Variants in TNRC6A observed in about 807,000 individuals in gnomAD.
The protein encoded by TNRC6A is trinucleotide repeat-containing gene 6A protein.
TNRC6A carries 44 observed loss-of-function variants against 221.2 expected under a neutral mutation model. The observed-to-expected ratio is 0.20, with a 90% confidence interval of 0.16 to 0.26. The LOEUF is 0.26. Among genes scored for constraint, TNRC6A ranks in the 10% least tolerant of loss-of-function variants. The pLI, the probability that TNRC6A is intolerant of heterozygous loss-of-function variation, is 1.00. For synonymous variants in TNRC6A, 847 were observed against 838.5 expected (o/e 1.01, Z -0.18); for missense variants, 2,199 against 2,404.4 (o/e 0.91, Z 1.79).
intron 2 of TNRC6A, among the ~76,000 whole-genome samples, chr16:24,675,584 G>C (rs1000179358): frequency 1.3e-5 from 2 of 150,766 alleles, no homozygotes; most frequent in African/African-American, 2.4e-5. Flanking sequence ...GGGAGGCTGA[G>C]ACAGGAGAAT....
At chr16:24,749,048 C>G (rs1234683879) in intron 2 of TNRC6A, among the ~76,000 whole-genome samples, 1 of 152,096 alleles carries the variant, frequency 6.6e-6, no homozygotes. Flanking sequence ...GCCTGATATT[C>G]TTAGTGTCCC....
intron 2 of TNRC6A, chr16:24,661,617 T>C (rs1461058288): frequency 1.3e-5 from 2 of 152,168 alleles, no homozygotes; most frequent in African/African-American, 2.4e-5. Context: ...TTTCAACATG[T>C]TGGCCAGGAT....
intron 8 of TNRC6A, 112 bp downstream of exon 8, chr16:24,794,831 C>A: frequency 2.0e-6 from 2 of 1,011,330 alleles, no homozygotes; most frequent in Non-Finnish European, 2.7e-6. Flanking sequence ...GTCCAGGCAG[C>A]CCCCACCTTA....
At chr16:24,776,436 A>T in intron 4 of TNRC6A, 1 of 985,450 alleles carries the variant, frequency 1.0e-6, no homozygotes, top group South Asian at 4.7e-5. Flanking sequence ...TTTGTAAGAA[A>T]ACCAGCAGGT....
intron 11 of TNRC6A, among the ~76,000 whole-genome samples, chr16:24,802,631 C>CT (rs1372774188): frequency 1.3e-5 from 2 of 152,132 alleles, no homozygotes; most frequent in Middle Eastern, 6.3e-3. Context: ...GTTGTGAAGT[C>CT]TAAGCAACAT....
intron 2 of TNRC6A, among the ~76,000 whole-genome samples, chr16:24,690,075 A>G (rs62027725): frequency 0.19 from 28,791 of 149,188 alleles, 3,096 homozygotes; most frequent in South Asian, 0.27. Flanking sequence ...AGGCTGGAAC[A>G]CATGGCTCAC....
chr16:24,818,958 A>G (rs1336037105), intron 21 of TNRC6A, among the ~76,000 whole-genome samples: 1 of 152,134 alleles, frequency 6.6e-6, no homozygotes, highest in East Asian at 1.9e-4. Flanking sequence ...ATGTAATTTA[A>G]TCCAAACTAG....
At chr16:24,744,741 A>T (rs2056965462) in intron 2 of TNRC6A, among the ~76,000 whole-genome samples, 1 of 152,220 alleles carries the variant, frequency 6.6e-6, no homozygotes, top group Non-Finnish European at 1.5e-5. Flanking sequence ...AGAAATATAC[A>T]GCATTGCTGC....
At chr16:24,774,779 C>T (rs751612300) in intron 4 of TNRC6A, among the ~76,000 whole-genome samples, 5 of 151,990 alleles carry the variant, frequency 3.3e-5, no homozygotes, top group East Asian at 1.9e-4. Flanking sequence ...GCATTGGTTC[C>T]GGGACCCCCA....
At chr16:24,620,141 CAA>C (rs538573259) in intron 1 of TNRC6A, among the ~76,000 whole-genome samples, 2 of 142,616 alleles carry the variant, frequency 1.4e-5, no homozygotes, top group African/African-American at 5.1e-5. Flanking sequence ...GACCCAGTTT[CAA>C]AAAAAAAAAG....
intron 2 of TNRC6A, among the ~76,000 whole-genome samples, chr16:24,660,023 T>C (rs1391014500): frequency 6.6e-6 from 1 of 152,232 alleles, no homozygotes; most frequent in Non-Finnish European, 1.5e-5. Context: ...TCTTGGTGTC[T>C]GTTGGAAGCT....
chr16:24,729,891 C>T, intron 1 of TNRC6A, 45 bp downstream of exon 1: 2 of 1,235,100 alleles, frequency 1.6e-6, no homozygotes, highest in Non-Finnish European at 1.0e-6. Context: ...GAGCCGCGGG[C>T]GCTGCCGCAG....
intron 1 of TNRC6A, among the ~76,000 whole-genome samples, chr16:24,610,880 G>A (rs1194243908): frequency 3.3e-5 from 5 of 151,858 alleles, no homozygotes; most frequent in Non-Finnish European, 5.9e-5. Flanking sequence ...GCGCAATCTC[G>A]GCTCGCTGCA....
At chr16:24,805,274 GTTT>G in intron 14 of TNRC6A, 123 bp downstream of exon 14, 10 of 1,351,142 alleles carry the variant, frequency 7.4e-6, no homozygotes, top group Non-Finnish European at 1.0e-5. Context: ...GATTCAGCTA[GTTT>G]TGAATTAACT....
intron 21 of TNRC6A, among the ~76,000 whole-genome samples, chr16:24,818,999 A>T (rs1294319419): frequency 3.1e-5 from 4 of 127,194 alleles, no homozygotes; most frequent in Admixed American, 2.2e-4. Flanking sequence ...GAGGATCTTT[A>T]AAAAAAAAAA....
intron 2 of TNRC6A, among the ~76,000 whole-genome samples, chr16:24,730,881 T>C (rs1046893910): frequency 4.6e-5 from 7 of 151,880 alleles, no homozygotes; most frequent in African/African-American, 1.7e-4. Context: ...GTGTGTGCTC[T>C]TTTTATCAGC....
intron 2 of TNRC6A, among the ~76,000 whole-genome samples, chr16:24,665,813 C>T (rs890667079): frequency 6.6e-6 from 1 of 152,156 alleles, no homozygotes; most frequent in Non-Finnish European, 1.5e-5. Context: ...GAAGTTGTCA[C>T]TTGTGGAAAA....
intron 3 of TNRC6A, among the ~76,000 whole-genome samples, chr16:24,757,781 A>T (rs1366446608): frequency 1.3e-5 from 2 of 152,152 alleles, no homozygotes; most frequent in Non-Finnish European, 2.9e-5. Flanking sequence ...TCAGTTTGAA[A>T]TTTTTTTCCA....
chr16:24,757,864 T>C (rs1223426559), intron 3 of TNRC6A, among the ~76,000 whole-genome samples: 1 of 152,224 alleles, frequency 6.6e-6, no homozygotes, highest in Non-Finnish European at 1.5e-5. Flanking sequence ...AGGAGTTAAA[T>C]TTATTACTAA....
Sources: gnomAD v4.1 joint callset for allele counts (sites outside exome capture counted in the v4.1 genomes callset) on GRCh38, gnomAD v4.1.1 for gene constraint, MANE v1.5 for transcripts, NCBI Gene and HGNC (gene_info 2026-07-23, HGNC 2026-07-21) for gene names.